Variants in TGM4 observed in about 807,000 individuals in gnomAD.
TGM4 encodes the protein protein-glutamine gamma-glutamyltransferase 4.
A neutral mutation model predicts 76.3 loss-of-function variants in TGM4; 61 were observed. That is an observed-to-expected ratio of 0.80 (90% CI 0.65 to 0.99). The LOEUF is 0.99. TGM4 is among the 50% of genes least tolerant of loss of function. The probability of loss-of-function intolerance (pLI) is 0.00; values close to 1 mark genes in which losing one functional copy is unlikely to be tolerated. For missense variants in TGM4, 794 were observed against 843.2 expected (o/e 0.94, Z 0.72); for synonymous variants, 337 against 329.8 (o/e 1.02, Z -0.24).
chr3:44,907,043 T>C lies in TGM4; in HGVS notation c.1170T>C (p.Asn390=), dbSNP rs759931738. 48 of 1,613,984 alleles carry C rather than the reference T, an allele frequency of 3.0e-5. No homozygotes were observed. The East Asian group carries it at 1.1e-3, about 36-fold the overall frequency. Residue 390 remains asparagine (N), a synonymous_variant, in exon 10 of 14, where the codon AAT becomes AAC. Transcript: ENST00000296125. Reference sequence around the variant, plus strand: ...CCAGATTCGTCTTCTCAGAAGTGAATGGTGACAGGCTCATCTGGTTGGTGA... The same window carrying C: ...CCAGATTCGTCTTCTCAGAAGTGAACGGTGACAGGCTCATCTGGTTGGTGA... ...YDTRFVFSEV[N]GDRLIWLVKM... is the part of the protein sequence containing the mutation.
At chr3:44,881,406 G>A (rs1699530476) in intron 1 of TGM4, among the ~76,000 whole-genome samples, 2 of 152,110 alleles carry the variant, frequency 1.3e-5, no homozygotes, top group South Asian at 4.1e-4. Context: ...TAAAACTCAG[G>A]TAATTTATAA....
chr3:44,875,654 C>A (rs1349754255), intron 1 of TGM4, among the ~76,000 whole-genome samples: 1 of 152,218 alleles, frequency 6.6e-6, no homozygotes, highest in Non-Finnish European at 1.5e-5. Flanking sequence ...CCCTCTGTAA[C>A]CTCCCAGCAG....
Position 44,907,134 on chromosome 3 carries a change from A to G in TGM4, c.1261A>G (p.Ile421Val), listed in dbSNP as rs1396656138. 1 of 1,614,018 alleles carries G rather than the reference A, an allele frequency of 6.2e-7. No individual in the cohort carries two copies. The highest frequency in any genetic ancestry group is 2.2e-5 in the East Asian group (1 of 44,886). ...SMETTSIGKN[I>V]STKAVGQDRR... ...GGAGACCACAAGCATCGGGAAAAACATCAGCACCAAGGCAGTGGGCCAAGA... is the reference window on the plus strand; with the variant it reads ...GGAGACCACAAGCATCGGGAAAAACGTCAGCACCAAGGCAGTGGGCCAAGA... Residue 421 changes from isoleucine (I) to valine (V), a missense_variant, in exon 10 of 14, where the codon ATC (isoleucine) becomes GTC (valine). Physicochemically the swap from Ile to Val is conservative, Grantham distance 29. Transcript: ENST00000296125.
At chr3:44,881,952 G>A (rs1374273672) in intron 1 of TGM4, among the ~76,000 whole-genome samples, 4 of 151,784 alleles carry the variant, frequency 2.6e-5, no homozygotes, top group African/African-American at 9.7e-5. Flanking sequence ...TTTCTTTGCA[G>A]GTTTCCCTGG....
At chr3:44,879,255 C>CTATA (rs1177204893) in intron 1 of TGM4, among the ~76,000 whole-genome samples, 17 of 99,908 alleles carry the variant, frequency 1.7e-4, no homozygotes, top group Admixed American at 4.9e-4. Context: ...CTCTCTCTCT[C>CTATA]TCTCTCTCTC....
chr3:44,912,065 A>G (rs1422368042), intron 13 of TGM4, among the ~76,000 whole-genome samples: 1 of 152,242 alleles, frequency 6.6e-6, no homozygotes, highest in Non-Finnish European at 1.5e-5. Flanking sequence ...TCCTGACCTC[A>G]GGTGATCTGC....
Position 44,901,555 on chromosome 3 carries a change from T to C in TGM4, c.689T>C (p.Ile230Thr), listed in dbSNP as rs370631370. 2.5e-5 allele frequency: 40 copies of C among 1,612,796 alleles called. No homozygotes were observed. In the Admixed American group the frequency reaches 3.5e-4, roughly 14 times the overall value. Residue 230 changes from isoleucine (I) to threonine (T), a missense_variant, in exon 7 of 14, where the codon ATT (isoleucine) becomes ACT (threonine). Coordinates refer to ENST00000296125, the MANE Select transcript of TGM4 (RefSeq NM_003241.4). ...MSFEKGQGVL[I>T]GNWTGDYEGG... ...TTTGAGAAAGGCCAGGGCGTGCTCA[T>C]TGGGAATTGGACTGGGGACTACGAA...
rs753994307 is a variant in TGM4 at position 44,910,995 on chromosome 3, C to T, written c.1644C>T (p.Tyr548=). 6.2e-7 allele frequency: 1 copy of T among 1,614,200 alleles called. No individual in the cohort carries two copies. Among genetic ancestry groups the T allele is most frequent in the Non-Finnish European group, 8.5e-7 (1 of 1,180,028 alleles). The change falls in exon 12 of 14, where the codon TAC becomes TAT. Residue 548 remains tyrosine (Y), a synonymous_variant. Transcript: ENST00000296125. The stretch of plus-strand genomic sequence containing the variant: ...CTCTGACCTTGGACTCCAAGACCTA[C>T]ATCAACAGCCTGGCTATATTAGATG... ...EVTLTLDSKT[Y]INSLAILDDE... is the part of the protein sequence containing the mutation.
chr3:44,911,062 G>A lies in TGM4; in HGVS notation c.1711G>A (p.Glu571Lys), dbSNP rs770619679. 27 of 1,614,156 alleles carry A rather than the reference G, an allele frequency of 1.7e-5. No homozygotes were observed. The South Asian group carries it at 2.7e-4, about 16-fold the overall frequency. Residue 571 changes from glutamate (E) to lysine (K), a missense_variant, in exon 12 of 14, where the codon GAG becomes AAG. Physicochemically the swap from Glu to Lys is moderately conservative, Grantham distance 56 (BLOSUM62 1). Coordinates refer to ENST00000296125, the MANE Select transcript of TGM4 (RefSeq NM_003241.4). The stretch of plus-strand genomic sequence containing the variant: ...AGGTTTCATCATTGCGGAAATTGTG[G>A]AGTCTAAGGAAATCATGGCCTCTGA... ...IRGFIIAEIV[E>K]SKEIMASEVF... is the part of the protein sequence containing the mutation.
chr3:44,907,115 C>T lies in TGM4; in HGVS notation c.1242C>T (p.Thr414=), dbSNP rs749505302. 1 of 1,613,880 alleles carries T rather than the reference C, an allele frequency of 6.2e-7. No individual in the cohort carries two copies. Among genetic ancestry groups the T allele is most frequent in the Non-Finnish European group, 8.5e-7 (1 of 1,180,000 alleles). ...QEELHVISME[T]TSIGKNISTK... ...AGTTACACGTAATTTCAATGGAGAC[C>T]ACAAGCATCGGGAAAAACATCAGCA... is the stretch of plus-strand genomic sequence containing the variant. Residue 414 remains threonine (T), a synonymous_variant, in exon 10 of 14, where the codon ACC becomes ACT. Transcript: ENST00000296125.
intron 1 of TGM4, 77 bp downstream of exon 1, chr3:44,874,774 C>T (rs1172293615): frequency 5.0e-6 from 8 of 1,587,360 alleles, no homozygotes; most frequent in African/African-American, 2.7e-5. Flanking sequence ...TTGCCTCTGC[C>T]GGGTGCCTGG....
chr3:44,898,135 G>C (rs1699804931), intron 6 of TGM4, among the ~76,000 whole-genome samples: 1 of 152,098 alleles, frequency 6.6e-6, no homozygotes, highest in African/African-American at 2.4e-5. Flanking sequence ...CAAAAAATTA[G>C]CTGGGTGTGG....
intron 1 of TGM4, 82 bp from the exon 2 acceptor site, chr3:44,885,243 T>G (rs1699586214): frequency 3.5e-6 from 5 of 1,435,238 alleles, no homozygotes; most frequent in Non-Finnish European, 4.7e-6. Context: ...CAATGCACTC[T>G]CAGATTTTGA....
chr3:44,899,777 G>C (rs1699827680), intron 6 of TGM4: 1 of 152,306 alleles, frequency 6.6e-6, no homozygotes. Flanking sequence ...TGAATGTTCT[G>C]GCTGAAGATC....
intron 3 of TGM4, chr3:44,888,534 G>C (rs1425555314): frequency 6.6e-6 from 1 of 152,164 alleles, no homozygotes; most frequent in Admixed American, 6.6e-5. Context: ...CTCCCATCCA[G>C]ATCCCAGACT....
chr3:44,885,509 G>A lies in TGM4; in HGVS notation c.193+11G>A, dbSNP rs200524990. ...TGGAATTCAGCACAGGTGAAGCCTC[G>A]GGGCCCTACTCATGGGGCTTTGGGG... On this transcript the variant is annotated intron_variant, in intron 2 of 13. Transcript: ENST00000296125. The A allele has an allele frequency of 2.9e-5, 46 of 1,604,818 alleles. No homozygotes were observed. Among genetic ancestry groups the A allele is most frequent in the Middle Eastern group, 4.4e-4 (2 of 4,528 alleles).
chr3:44,900,520 T>C (rs1190597575), intron 6 of TGM4, among the ~76,000 whole-genome samples: 1 of 152,222 alleles, frequency 6.6e-6, no homozygotes, highest in African/African-American at 2.4e-5. Flanking sequence ...TCAGAAATTG[T>C]AGCATACTAT....
rs1246709489 is a variant in TGM4 at position 44,910,073 on chromosome 3, C to T, written c.1328-17C>T. The T allele has an allele frequency of 6.2e-7, 1 of 1,608,608 alleles. No individual in the cohort carries two copies. The stretch of plus-strand genomic sequence containing the variant: ...TGAAGGAGCACCTGAAGGAAGCTGC[C>T]TTTGTGTCTCTTTCAGGCTCCTCTG... On this transcript the variant is annotated splice_polypyrimidine_tract_variant and intron_variant, in intron 10 of 13. Coordinates refer to ENST00000296125, the MANE Select transcript of TGM4 (RefSeq NM_003241.4).
chr3:44,894,877 C>A (rs879453749), intron 5 of TGM4, among the ~76,000 whole-genome samples: 1 of 152,044 alleles, frequency 6.6e-6, no homozygotes, highest in Non-Finnish European at 1.5e-5. Context: ...ATCCTCTCCT[C>A]ACACATGAGG....
Sources: allele counts gnomAD v4.1 joint callset (sites outside exome capture counted in the v4.1 genomes callset), GRCh38; gene constraint gnomAD v4.1.1; transcripts MANE v1.5; gene names NCBI Gene and HGNC (gene_info 2026-07-23, HGNC 2026-07-21).